PRMT3: variants seen among roughly 807,000 people sequenced by gnomAD.
PRMT3 encodes the protein protein arginine methyltransferase 3.
In PRMT3, 62 loss-of-function variants were observed where a neutral mutation model predicts 71.9. The ratio of observed to expected loss-of-function variants is 0.86; its 90% CI spans 0.70 to 1.07. The LOEUF is 1.07. Among genes scored for constraint, PRMT3 ranks in the 50% least tolerant of loss-of-function variants. The pLI is 0.00. For missense variants in PRMT3, 663 were observed against 643.0 expected, an observed-to-expected ratio of 1.03 and a Z score of -0.34; for synonymous variants, 213 against 220.4, an observed-to-expected ratio of 0.97 and a Z score of 0.30.
intron 8 of PRMT3, among the ~76,000 whole-genome samples, chr11:20,404,423 G>A (rs893788018): frequency 4.6e-5 from 7 of 151,418 alleles, no homozygotes; most frequent in Middle Eastern, 3.4e-3. Flanking sequence ...TAATAGAGAC[G>A]GGGTTTCACC....
chr11:20,394,761 A>G (rs924897246), intron 5 of PRMT3, among the ~76,000 whole-genome samples: 9 of 152,276 alleles, frequency 5.9e-5, no homozygotes, highest in African/African-American at 2.2e-4. Context: ...TTCCACCACC[A>G]TTCCACTCTC....
At chr11:20,498,050 G>A (rs1355055784) in intron 15 of PRMT3, among the ~76,000 whole-genome samples, 1 of 152,152 alleles carries the variant, frequency 6.6e-6, no homozygotes, top group East Asian at 1.9e-4. Context: ...AAGTGAAAAT[G>A]TCATTTGATG....
intron 5 of PRMT3, 37 bp downstream of exon 5, chr11:20,393,036 T>G (rs1848751363): frequency 4.4e-6 from 6 of 1,361,924 alleles, no homozygotes; most frequent in Non-Finnish European, 3.1e-6. Flanking sequence ...TTAATTAACA[T>G]AAGGCCGTTT....
intron 15 of PRMT3, among the ~76,000 whole-genome samples, chr11:20,506,755 A>G (rs1851600617): frequency 6.6e-6 from 1 of 152,200 alleles, no homozygotes; most frequent in South Asian, 2.1e-4. Context: ...TATTCCTGAC[A>G]CTGTTTGGTG....
At chr11:20,495,993 A>T (rs913814207) in intron 15 of PRMT3, among the ~76,000 whole-genome samples, 1 of 152,214 alleles carries the variant, frequency 6.6e-6, no homozygotes, top group Admixed American at 6.5e-5. Flanking sequence ...CTGGCTTTTA[A>T]TTAGTAAAAC....
chr11:20,406,670 G>A (rs1242922831), intron 8 of PRMT3: 1 of 152,186 alleles, frequency 6.6e-6, no homozygotes, highest in African/African-American at 2.4e-5. Context: ...ACCCAGAAAT[G>A]AAATTGCTGA....
chr11:20,485,710 A>C (rs1193057160), intron 13 of PRMT3, among the ~76,000 whole-genome samples: 1 of 152,206 alleles, frequency 6.6e-6, no homozygotes, highest in Non-Finnish European at 1.5e-5. Flanking sequence ...AAAAGGTCTA[A>C]TTACATATAC....
intron 7 of PRMT3, among the ~76,000 whole-genome samples, chr11:20,400,437 T>A (rs1848924020): frequency 6.6e-6 from 1 of 152,228 alleles, no homozygotes; most frequent in African/African-American, 2.4e-5. Flanking sequence ...TCCTTGCCAC[T>A]TTATCTTTTT....
rs1444951270 is a variant in PRMT3 at position 20,449,505 on chromosome 11, T to C, written c.994-2625T>C. On this transcript the variant is annotated intron_variant, in intron 10 of 15. Coordinates refer to ENST00000331079, the MANE Select transcript of PRMT3 (RefSeq NM_005788.4). ...TTGTATAGTGAGATCAAGGTTCGAA[T>C]TCTGTCTCATTCACTCCCCATTTAT... Among the ~76,000 whole-genome samples the C allele has an allele frequency of 2.0e-5, 3 of 152,170 alleles. No homozygotes were observed. In the East Asian group the frequency reaches 5.8e-4, roughly 29 times the overall value.
At chr11:20,395,773 C>A in intron 5 of PRMT3, 30 bp from the exon 6 acceptor site, 1 of 1,592,674 alleles carries the variant, frequency 6.3e-7, no homozygotes, top group Non-Finnish European at 8.6e-7. Flanking sequence ...TATAAGATGG[C>A]CTGATAATAA....
At chr11:20,461,927 T>C in intron 11 of PRMT3, 53 bp from the exon 12 acceptor site, 1 of 1,391,350 alleles carries the variant, frequency 7.2e-7, no homozygotes, top group Non-Finnish European at 9.6e-7. Context: ...AAAAATTATA[T>C]TCCATAAGAA....
At chr11:20,490,953 T>C (rs542541625) in intron 13 of PRMT3, among the ~76,000 whole-genome samples, 4 of 152,306 alleles carry the variant, frequency 2.6e-5, no homozygotes, top group South Asian at 2.1e-4. Flanking sequence ...TTTAAAACTT[T>C]TTTTTCTCCA....
chr11:20,467,500 A>G (rs550457421), intron 13 of PRMT3, among the ~76,000 whole-genome samples: 10 of 152,350 alleles, frequency 6.6e-5, no homozygotes, highest in African/African-American at 2.4e-4. Flanking sequence ...AAGATCTTAC[A>G]GGGGTAGAAG....
chr11:20,475,038 G>A (rs993005841), intron 13 of PRMT3, among the ~76,000 whole-genome samples: 6 of 152,056 alleles, frequency 3.9e-5, no homozygotes, highest in African/African-American at 1.4e-4. Context: ...ATAAGGAAGG[G>A]GTAGGCTGCA....
At chr11:20,465,841 A>T (rs891241558) in intron 13 of PRMT3, among the ~76,000 whole-genome samples, 1 of 152,086 alleles carries the variant, frequency 6.6e-6, no homozygotes, top group South Asian at 2.1e-4. Flanking sequence ...ATTTTTGTCA[A>T]TTGAAATTAG....
At chr11:20,416,053 C>G (rs1173616663) in intron 9 of PRMT3, among the ~76,000 whole-genome samples, 1 of 152,118 alleles carries the variant, frequency 6.6e-6, no homozygotes, top group Non-Finnish European at 1.5e-5. Context: ...TCAAATGTGT[C>G]TCTCATCTAT....
At chr11:20,461,949 G>A in intron 11 of PRMT3, 31 bp from the exon 12 acceptor site, 8 of 1,479,074 alleles carry the variant, frequency 5.4e-6, no homozygotes, top group Non-Finnish European at 6.4e-6. Context: ...GGGAGATAAT[G>A]CTTAATTGTT....
rs774713541 is a variant in PRMT3, at chr11:20,397,602, C to T, written c.586C>T (p.His196Tyr). Residue 196 changes from histidine to tyrosine, a missense_variant, in exon 7 of 16, where the codon CAC becomes TAC. Physicochemically the swap from His to Tyr is moderately conservative, Grantham distance 83 (BLOSUM62 2). Transcript: ENST00000331079. ...MKQFAQDFVM[H>Y]TDVRTCSSST... The stretch of plus-strand genomic sequence containing the variant: ...ACAATTTGCTCAGGATTTTGTGATG[C>T]ACACAGATGTCAGAACCTGCTCGTC... The T allele has an allele frequency of 2.3e-5, 37 of 1,613,942 alleles. No individual in the cohort carries two copies. Among genetic ancestry groups the T allele is most frequent in the Non-Finnish European group, 1.7e-6 (2 of 1,180,004 alleles).
At chr11:20,418,968 G>C (rs757705150) in intron 9 of PRMT3, among the ~76,000 whole-genome samples, 9 of 152,258 alleles carry the variant, frequency 5.9e-5, no homozygotes, top group Admixed American at 3.9e-4. Flanking sequence ...TTCTCAATCA[G>C]ATGGGCTGGT....
Sources: allele counts gnomAD v4.1 joint callset (sites outside exome capture counted in the v4.1 genomes callset), GRCh38; gene constraint gnomAD v4.1.1; transcripts MANE v1.5; gene names NCBI Gene and HGNC (gene_info 2026-07-23, HGNC 2026-07-21).